Variants in EYA1 observed in about 807,000 individuals in gnomAD.
The protein encoded by EYA1 is protein phosphatase EYA1.
A neutral mutation model predicts 82.0 loss-of-function variants in EYA1; 16 were observed. The ratio of observed to expected loss-of-function variants is 0.20; its 90% CI spans 0.13 to 0.30. The LOEUF is 0.30. EYA1 is among the 10% of genes least tolerant of loss of function. EYA1 has a pLI of 1.00. For synonymous variants in EYA1, 261 were observed against 264.4 expected, an observed-to-expected ratio of 0.99 and a Z score of 0.12; for missense variants, 633 against 730.7, an observed-to-expected ratio of 0.87 and a Z score of 1.54.
intron 2 of EYA1, among the ~76,000 whole-genome samples, chr8:71,463,669 T>C (rs1482677482): frequency 8.5e-6 from 1 of 117,512 alleles, no homozygotes; most frequent in Non-Finnish European, 1.7e-5. Context: ...ACTCACAGAG[T>C]ACACATATAC....
chr8:71,282,524 C>T lies in EYA1; in HGVS notation c.827-10627G>A, dbSNP rs145711905. On this transcript the variant is annotated intron_variant, in intron 9 of 17. Transcript: ENST00000340726. Reference sequence around the variant, plus strand: ...TCAAGTCTCAATTTCCATATTTCTCCGCCTTTTGCCAGCGCCACACACAGT... The same window carrying T: ...TCAAGTCTCAATTTCCATATTTCTCTGCCTTTTGCCAGCGCCACACACAGT... Among the ~76,000 whole-genome samples the T allele has an allele frequency of 6.6e-5, 10 of 152,334 alleles. No individual in the cohort carries two copies. The East Asian group carries it at 1.3e-3, about 21-fold the overall frequency.
At chr8:71,199,516 C>A in intron 17 of EYA1, 96 bp from the exon 18 acceptor site, 1 of 768,058 alleles carries the variant, frequency 1.3e-6, no homozygotes, top group Non-Finnish European at 2.3e-6. Flanking sequence ...CCCCCATTTT[C>A]AGTATCATTG....
intron 2 of EYA1, among the ~76,000 whole-genome samples, chr8:71,420,133 T>A (rs570904277): frequency 1.3e-5 from 2 of 152,296 alleles, no homozygotes; most frequent in South Asian, 4.1e-4. Flanking sequence ...AATAATTAAA[T>A]TTAATCTCAT....
intron 2 of EYA1, among the ~76,000 whole-genome samples, chr8:71,462,811 G>A (rs73298376): frequency 3.9e-5 from 6 of 152,298 alleles, no homozygotes; most frequent in African/African-American, 1.4e-4. Context: ...AGCTGCCTCA[G>A]GGACATGGGG....
chr8:71,316,510 A>C (rs1821944299), intron 7 of EYA1, among the ~76,000 whole-genome samples: 1 of 152,204 alleles, frequency 6.6e-6, no homozygotes, highest in East Asian at 1.9e-4. Context: ...AGCAGGCTGC[A>C]ATACTGTATT....
intron 2 of EYA1, among the ~76,000 whole-genome samples, chr8:71,521,308 C>G (rs138760769): frequency 2.0e-5 from 3 of 151,990 alleles, no homozygotes; most frequent in African/African-American, 4.8e-5. Flanking sequence ...ATTTCAGTGA[C>G]GTGGAATTAA....
chr8:71,488,179 C>A (rs1378744620), intron 2 of EYA1, among the ~76,000 whole-genome samples: 1 of 150,740 alleles, frequency 6.6e-6, no homozygotes. Flanking sequence ...TGATATACAT[C>A]AAATATAAAT....
chr8:71,437,272 TA>T (rs975729196), intron 2 of EYA1, among the ~76,000 whole-genome samples: 2 of 151,950 alleles, frequency 1.3e-5, no homozygotes, highest in Non-Finnish European at 1.5e-5. Context: ...GCACAATTTT[TA>T]AAAAATTCAT....
chr8:71,344,132 T>C (rs1328413370), intron 3 of EYA1, among the ~76,000 whole-genome samples: 1 of 152,150 alleles, frequency 6.6e-6, no homozygotes, highest in Non-Finnish European at 1.5e-5. Context: ...TTTTTGACTT[T>C]TTATAAAGTA....
At chr8:71,450,755 A>G (rs1807296052) in intron 2 of EYA1, among the ~76,000 whole-genome samples, 1 of 152,232 alleles carries the variant, frequency 6.6e-6, no homozygotes, top group East Asian at 1.9e-4. Flanking sequence ...GTATTCCTGT[A>G]TATAAAAAGG....
chr8:71,421,497 A>T (rs1306372025), intron 2 of EYA1, among the ~76,000 whole-genome samples: 1 of 152,230 alleles, frequency 6.6e-6, no homozygotes, highest in African/African-American at 2.4e-5. Context: ...CCAAGTTGCC[A>T]AGAGGAATTT....
Position 71,375,698 on chromosome 8 carries a change from G to A in EYA1, c.34-19187C>T, listed in dbSNP as rs535669639. 2.0e-5 allele frequency among the ~76,000 whole-genome samples: 3 copies of A among 152,078 alleles called. No individual in the cohort carries two copies. The East Asian group carries it at 5.8e-4, about 29-fold the overall frequency. ...GGCTGGACTATAGTGGCGTGATCTCGGCTCACTGCAACTTCTGCCTCCTGG... is the reference window on the plus strand; with the variant it reads ...GGCTGGACTATAGTGGCGTGATCTCAGCTCACTGCAACTTCTGCCTCCTGG... On this transcript the variant is annotated intron_variant, in intron 2 of 18. Coordinates refer to the EYA1 transcript ENST00000643681.
At chr8:71,438,935 G>C (rs1362556891) in intron 2 of EYA1, among the ~76,000 whole-genome samples, 1 of 152,078 alleles carries the variant, frequency 6.6e-6, no homozygotes, top group Non-Finnish European at 1.5e-5. Flanking sequence ...GAAAAATCCT[G>C]AGATAAGAAT....
chr8:71,430,311 G>T (rs966293140), intron 2 of EYA1, among the ~76,000 whole-genome samples: 1 of 152,114 alleles, frequency 6.6e-6, no homozygotes, highest in Admixed American at 6.5e-5. Context: ...TGTTACAGTT[G>T]CAGAAGACTT....
intron 2 of EYA1, among the ~76,000 whole-genome samples, chr8:71,495,425 C>A (rs1381288138): frequency 6.6e-6 from 1 of 151,962 alleles, no homozygotes; most frequent in Non-Finnish European, 1.5e-5. Flanking sequence ...ACCAACCTGG[C>A]CAGCATGGTG....
At position 71,348,060 on chromosome 8, in the gene EYA1, A is replaced by C. The variant is rs116248261; in HGVS notation, c.124+6722T>G. 4.4e-3 allele frequency among the ~76,000 whole-genome samples: 671 copies of C among 152,316 alleles called. 5 individuals are homozygous for C. Among genetic ancestry groups the C allele is most frequent in the African/African-American group, 0.015 (623 of 41,566 alleles). On this transcript the variant is annotated intron_variant, in intron 3 of 17. Transcript: ENST00000340726. ...ATAGTATAGGCAATATTTGACAGTC[A>C]CTGACATATGACAGATAATTTTTTC...
chr8:71,347,972 T>C (rs1442499175), intron 3 of EYA1, among the ~76,000 whole-genome samples: 2 of 151,914 alleles, frequency 1.3e-5, no homozygotes, highest in Non-Finnish European at 2.9e-5. Flanking sequence ...ACTTATAAAT[T>C]GTGGGTCCTA....
At chr8:71,399,737 G>A (rs200923272) in intron 2 of EYA1, among the ~76,000 whole-genome samples, 1 of 152,110 alleles carries the variant, frequency 6.6e-6, no homozygotes, top group Non-Finnish European at 1.5e-5. Context: ...GTAATTTATC[G>A]ATTCAATGCT....
chr8:71,200,111 GTGA>G (rs1471154355), intron 17 of EYA1: 1 of 154,392 alleles, frequency 6.5e-6, no homozygotes, highest in African/African-American at 2.4e-5. Flanking sequence ...GGGTGAAAAT[GTGA>G]TGAACTTTCA....
Sources: gnomAD v4.1 joint callset for allele counts (sites outside exome capture counted in the v4.1 genomes callset) on GRCh38, gnomAD v4.1.1 for gene constraint, MANE v1.5 for transcripts, NCBI Gene and HGNC (gene_info 2026-07-23, HGNC 2026-07-21) for gene names.